LAP3: variants seen among roughly 807,000 people sequenced by gnomAD.
LAP3 encodes leucine aminopeptidase 3.
LAP3 carries 46 observed loss-of-function variants against 58.8 expected under a neutral mutation model. The ratio of observed to expected loss-of-function variants is 0.78; its 90% CI spans 0.62 to 1.00. The LOEUF (loss-of-function observed/expected upper bound fraction) is 1.00. Ranked by LOEUF, LAP3 falls within the 50% of genes least tolerant of loss-of-function variation. The pLI is 0.00. For missense variants in LAP3, 615 were observed against 659.1 expected, an observed-to-expected ratio of 0.93 and a Z score of 0.73; for synonymous variants, 257 against 237.7, an observed-to-expected ratio of 1.08 and a Z score of -0.75.
intron 10 of LAP3, among the ~76,000 whole-genome samples, chr4:17,604,085 C>G (rs755566515): frequency 6.6e-6 from 1 of 151,970 alleles, no homozygotes; most frequent in Non-Finnish European, 1.5e-5. Flanking sequence ...GGATTACAGG[C>G]GTGAGCCAGC....
rs989520585 is a variant in LAP3 at position 17,607,734 on chromosome 4, AT to A, written c.*154del. 1.6e-4 allele frequency: 91 copies of A among 578,182 alleles called. No individual in the cohort carries two copies. The highest frequency in any genetic ancestry group is 9.7e-4 in the Middle Eastern group (2 of 2,072). The allele number at this position is 578,182 out of a possible 1,614,324, so 35.8% of individuals were successfully genotyped here. On this transcript the variant is annotated 3_prime_UTR_variant, in exon 13 of 13. Transcript: ENST00000226299. ...AACACAATGAAATTTGTATGCCTTG[AT>A]TTTTTTTTCATTTCACACAAAGATT...
chr4:17,592,270 G>A (rs981201396), intron 7 of LAP3, among the ~76,000 whole-genome samples: 2 of 152,072 alleles, frequency 1.3e-5, no homozygotes, highest in African/African-American at 2.4e-5. Flanking sequence ...CCAGACAGCC[G>A]ATCATCTTCC....
At chr4:17,577,992 G>T (rs1392221267) in intron 1 of LAP3, among the ~76,000 whole-genome samples, 1 of 152,248 alleles carries the variant, frequency 6.6e-6, no homozygotes, top group Non-Finnish European at 1.5e-5. Context: ...AAAGGTCAGG[G>T]AGTTAAGTAG....
chr4:17,585,134 C>T lies in LAP3; in HGVS notation c.702C>T (p.Ile234=), dbSNP rs1462665877. The T allele has an allele frequency of 6.2e-7, 1 of 1,611,062 alleles. No homozygotes were observed. Among genetic ancestry groups the T allele is most frequent in the Non-Finnish European group, 8.5e-7 (1 of 1,177,698 alleles). ...KSASSKTEVH[I]RPKSWIEEQA... ...CTAGTAGTAAAACCGAGGTCCATAT[C>T]AGGTAATTCAGGATTGTGTCACAGA... Residue 234 remains isoleucine, a splice_region_variant and synonymous_variant, in exon 6 of 13, where the codon ATC becomes ATT. Coordinates refer to ENST00000226299, the MANE Select transcript of LAP3 (RefSeq NM_015907.3).
intron 10 of LAP3, among the ~76,000 whole-genome samples, chr4:17,604,195 C>T (rs1402574648): frequency 1.3e-5 from 2 of 150,212 alleles, no homozygotes; most frequent in Non-Finnish European, 2.9e-5. Flanking sequence ...TCACTTGAGC[C>T]CAGGAGTTTG....
intron 6 of LAP3, among the ~76,000 whole-genome samples, chr4:17,587,179 A>G (rs1224681808): frequency 1.3e-5 from 2 of 152,182 alleles, no homozygotes; most frequent in Non-Finnish European, 2.9e-5. Flanking sequence ...GGGGCAGGAC[A>G]GTTCAGGTGA....
At chr4:17,602,726 G>T (rs182189705) in intron 10 of LAP3, among the ~76,000 whole-genome samples, 1,777 of 151,966 alleles carry the variant, frequency 0.012, 39 homozygotes, top group African/African-American at 0.041. Context: ...GTCTCACTCT[G>T]TTGCCCAGGC....
chr4:17,598,577 C>G lies in LAP3; in HGVS notation c.1180+19C>G, dbSNP rs1713891813. 2.6e-6 allele frequency: 4 copies of G among 1,553,188 alleles called. No homozygotes were observed. Among genetic ancestry groups the G allele is most frequent in the Non-Finnish European group, 2.7e-6 (3 of 1,125,004 alleles). On this transcript the variant is annotated intron_variant, in intron 10 of 12. Transcript: ENST00000226299. Reference sequence around the variant, plus strand: ...TTAACAGGTCAGACCGCGCACTTGCCTTGATTTTGTTTGAAGGAAGTCTTG... The same window carrying G: ...TTAACAGGTCAGACCGCGCACTTGCGTTGATTTTGTTTGAAGGAAGTCTTG...
At chr4:17,585,678 C>G (rs1003774807) in intron 6 of LAP3, 1 of 152,592 alleles carries the variant, frequency 6.6e-6, no homozygotes, top group African/African-American at 2.4e-5. Flanking sequence ...ACCTTTTCCT[C>G]CTAAAGTGCT....
chr4:17,591,701 G>C (rs1409672132), intron 7 of LAP3, among the ~76,000 whole-genome samples: 1 of 152,144 alleles, frequency 6.6e-6, no homozygotes, highest in Non-Finnish European at 1.5e-5. Flanking sequence ...AAGGCTGTAA[G>C]GTGGGAAGGA....
chr4:17,604,302 G>A (rs1303577905), intron 10 of LAP3, among the ~76,000 whole-genome samples: 1 of 126,962 alleles, frequency 7.9e-6, no homozygotes, highest in African/African-American at 2.7e-5. Flanking sequence ...AGGTTTAGAT[G>A]TCTGGAAGGA....
chr4:17,581,566 C>T (rs1357791918), intron 2 of LAP3, among the ~76,000 whole-genome samples, 194 bp from the exon 3 acceptor site: 1 of 116,210 alleles, frequency 8.6e-6, no homozygotes, highest in African/African-American at 3.0e-5. Flanking sequence ...GAGTGAGACC[C>T]TGTCTCTATT....
At chr4:17,586,434 A>G (rs962592467) in intron 6 of LAP3, among the ~76,000 whole-genome samples, 2 of 152,182 alleles carry the variant, frequency 1.3e-5, no homozygotes, top group Non-Finnish European at 2.9e-5. Context: ...AATTTCTGGA[A>G]TGGTTAGTAT....
intron 3 of LAP3, 65 bp downstream of exon 3, chr4:17,581,879 G>A: frequency 8.1e-7 from 1 of 1,235,214 alleles, no homozygotes; most frequent in Non-Finnish European, 1.2e-6. Context: ...CAAGTATTGG[G>A]GCTGTCTAGT....
In LAP3 at chr4:17,597,131, C is replaced by T; in HGVS notation, c.1074C>T (p.Ile358=). Residue 358 remains isoleucine (I), a synonymous_variant, in exon 9 of 13, where the codon ATC becomes ATT. Transcript: ENST00000226299. The part of the protein sequence containing the change: ...DVVRAKNGKT[I]QVDNTDAEGR... ...TTAGAGCCAAAAACGGGAAGACCAT[C>T]CAGGTTTGTAAATGTGAGACACAGC... 1 of 1,613,854 alleles carries T rather than the reference C, an allele frequency of 6.2e-7. No individual in the cohort carries two copies. The highest frequency in any genetic ancestry group is 8.5e-7 in the Non-Finnish European group (1 of 1,179,712).
chr4:17,599,629 CCAAGT>C (rs1410034637), intron 10 of LAP3, among the ~76,000 whole-genome samples: 1 of 152,076 alleles, frequency 6.6e-6, no homozygotes, highest in Non-Finnish European at 1.5e-5. Context: ...TGATAAATCC[CCAAGT>C]CAATAGCTTT....
At chr4:17,601,722 A>G (rs13147018) in intron 10 of LAP3, among the ~76,000 whole-genome samples, 21,401 of 152,178 alleles carry the variant, frequency 0.14, 2,032 homozygotes, top group Non-Finnish European at 0.21. Context: ...GATTAGTTAT[A>G]CTGCCTAATA....
intron 7 of LAP3, among the ~76,000 whole-genome samples, chr4:17,593,434 C>T (rs1229865638): frequency 6.6e-6 from 1 of 151,970 alleles, no homozygotes; most frequent in East Asian, 1.9e-4. Flanking sequence ...AATTGTAGGT[C>T]TGCCTCTGGG....
intron 12 of LAP3, 137 bp downstream of exon 12, chr4:17,607,075 G>T: frequency 3.4e-6 from 2 of 584,456 alleles, no homozygotes; most frequent in East Asian, 3.0e-5. Flanking sequence ...GATTTTTAAT[G>T]TCTTGAATTT....
Sources: gnomAD v4.1 joint callset for allele counts (sites outside exome capture counted in the v4.1 genomes callset) on GRCh38, gnomAD v4.1.1 for gene constraint, MANE v1.5 for transcripts, NCBI Gene and HGNC (gene_info 2026-07-23, HGNC 2026-07-21) for gene names.